ARL15: variants seen among roughly 807,000 people sequenced by gnomAD.
ARL15 encodes the protein ADP-ribosylation factor-like protein 15.
In ARL15, 19 loss-of-function variants were observed where a neutral mutation model predicts 25.2. The observed-to-expected ratio is 0.75, with a 90% CI of 0.53 to 1.10. The LOEUF is 1.10. Ranked by LOEUF, ARL15 falls within the 50% of genes least tolerant of loss-of-function variation. The pLI is 0.00. For synonymous variants in ARL15, 94 were observed against 86.8 expected (o/e 1.08, Z -0.46); for missense variants, 220 against 246.0 (o/e 0.89, Z 0.71).
chr5:54,173,521 C>T (rs2112406808), intron 1 of ARL15, among the ~76,000 whole-genome samples: 1 of 152,220 alleles, frequency 6.6e-6, no homozygotes, highest in East Asian at 1.9e-4. Flanking sequence ...GTAAATCAAA[C>T]TTGATTATTT....
chr5:54,059,943 T>TG (rs1374054635), intron 4 of ARL15, among the ~76,000 whole-genome samples: 11 of 152,010 alleles, frequency 7.2e-5, no homozygotes. Flanking sequence ...ACTGGACCCT[T>TG]GGTGATAATG....
intron 4 of ARL15, among the ~76,000 whole-genome samples, chr5:54,094,492 C>A (rs1382408222): frequency 6.6e-6 from 1 of 151,108 alleles, no homozygotes; most frequent in Non-Finnish European, 1.5e-5. Context: ...AAAAAAGGCA[C>A]TGGGGTATAT....
intron 4 of ARL15, among the ~76,000 whole-genome samples, chr5:53,949,127 C>T (rs1246930295): frequency 3.3e-5 from 5 of 152,108 alleles, no homozygotes; most frequent in Non-Finnish European, 7.4e-5. Context: ...TGATAAACAT[C>T]AGTTAGATAA....
intron 4 of ARL15, among the ~76,000 whole-genome samples, chr5:53,910,971 G>A (rs1001614896): frequency 6.6e-6 from 1 of 152,022 alleles, no homozygotes; most frequent in African/African-American, 2.4e-5. Flanking sequence ...GTAGACAGAA[G>A]CAGTGGACTA....
At chr5:54,139,131 T>A (rs1753694917) in intron 3 of ARL15, among the ~76,000 whole-genome samples, 1 of 152,136 alleles carries the variant, frequency 6.6e-6, no homozygotes, top group South Asian at 2.1e-4. Flanking sequence ...TAAAGGTATA[T>A]CTACCATTCG....
At chr5:54,286,865 G>C (rs551363106) in intron 1 of ARL15, among the ~76,000 whole-genome samples, 1 of 144,288 alleles carries the variant, frequency 6.9e-6, no homozygotes, top group South Asian at 2.2e-4. Context: ...CATTTGCAGG[G>C]CTTTTTTTTT....
At chr5:54,145,957 T>G (rs575960724) in intron 3 of ARL15, among the ~76,000 whole-genome samples, 94 of 152,290 alleles carry the variant, frequency 6.2e-4, no homozygotes, top group African/African-American at 2.2e-3. Flanking sequence ...TTTTGTCTCA[T>G]CTGTCCCTTT....
At chr5:54,077,125 T>C (rs543252918) in intron 4 of ARL15, among the ~76,000 whole-genome samples, 42 of 152,164 alleles carry the variant, frequency 2.8e-4, no homozygotes, top group Admixed American at 2.0e-4. Flanking sequence ...TGTTAACATA[T>C]TGTCATTCAT....
intron 4 of ARL15, among the ~76,000 whole-genome samples, chr5:54,098,095 T>TA: frequency 6.6e-6 from 1 of 152,174 alleles, no homozygotes; most frequent in East Asian, 1.9e-4. Flanking sequence ...CCTGTAGCAT[T>TA]AAAAAAGAAT....
chr5:54,180,647 C>T (rs1755030899), intron 1 of ARL15, among the ~76,000 whole-genome samples: 1 of 152,236 alleles, frequency 6.6e-6, no homozygotes, highest in African/African-American at 2.4e-5. Flanking sequence ...AGGCTTTGGA[C>T]TGGAATTGTC....
rs559656282 is a variant in ARL15 at position 54,090,245 on chromosome 5, C to A, written c.462+22957G>T. Among the ~76,000 whole-genome samples the A allele has an allele frequency of 2.0e-4, 30 of 151,986 alleles. 1 individual carries two copies. The South Asian group carries it at 5.4e-3, about 27-fold the overall frequency. On this transcript the variant is annotated intron_variant, in intron 4 of 4. Coordinates refer to ENST00000504924, the MANE Select transcript of ARL15 (RefSeq NM_019087.3). ...ATGGAATATTACACAGCAATAAAGACGAATAAACCATAGCCTCAGAGATGA... is the reference window on the plus strand; with the variant it reads ...ATGGAATATTACACAGCAATAAAGAAGAATAAACCATAGCCTCAGAGATGA...
At chr5:53,893,278 G>A (rs984871040) in intron 4 of ARL15, among the ~76,000 whole-genome samples, 1 of 152,006 alleles carries the variant, frequency 6.6e-6, no homozygotes, top group Non-Finnish European at 1.5e-5. Context: ...AGAAACCTGC[G>A]AGTACAACAA....
At chr5:54,087,868 G>C (rs113392404) in intron 4 of ARL15, among the ~76,000 whole-genome samples, 12 of 152,056 alleles carry the variant, frequency 7.9e-5, no homozygotes, top group African/African-American at 1.7e-4. Context: ...TAGAGATGAG[G>C]CTTCACCATG....
chr5:54,029,333 TACCACCACC>T (rs34152775), intron 4 of ARL15, among the ~76,000 whole-genome samples: 18 of 94,686 alleles, frequency 1.9e-4, no homozygotes, highest in South Asian at 1.3e-3. Flanking sequence ...CCACCACCAC[TACCACCACC>T]ACCACCACCA....
chr5:54,276,792 T>C (rs1757940468), intron 1 of ARL15, among the ~76,000 whole-genome samples: 2 of 152,144 alleles, frequency 1.3e-5, no homozygotes, highest in Admixed American at 6.5e-5. Flanking sequence ...GGAGATGTGA[T>C]AATGGAAGCA....
chr5:54,111,695 T>C (rs1288903745), intron 4 of ARL15, among the ~76,000 whole-genome samples: 1 of 152,134 alleles, frequency 6.6e-6, no homozygotes, highest in Non-Finnish European at 1.5e-5. Flanking sequence ...ATTATGTATA[T>C]ATTACATACA....
In ARL15 at chr5:53,968,708, A is replaced by C. The variant is rs377397077; in HGVS notation, c.463-81995T>G. ...GTATTTTTAGTAGAGACGGGGTTTG[A>C]CCATGTCGGCCAGGCTGGTCTCGAA... On this transcript the variant is annotated intron_variant, in intron 4 of 4. Coordinates refer to ENST00000504924, the MANE Select transcript of ARL15 (RefSeq NM_019087.3). Among the ~76,000 whole-genome samples, 9 of 151,786 alleles carry C rather than the reference A, an allele frequency of 5.9e-5. No homozygotes were observed. The East Asian group carries it at 1.4e-3, about 23-fold the overall frequency.
intron 4 of ARL15, among the ~76,000 whole-genome samples, chr5:54,082,456 C>T (rs949036249): frequency 6.6e-6 from 1 of 152,018 alleles, no homozygotes; most frequent in Admixed American, 6.6e-5. Context: ...CATATACATA[C>T]GTGTGTGTAT....
At chr5:54,193,896 T>C (rs987458845) in intron 1 of ARL15, among the ~76,000 whole-genome samples, 1 of 152,102 alleles carries the variant, frequency 6.6e-6, no homozygotes, top group African/African-American at 2.4e-5. Context: ...AAAAGCTTGG[T>C]TGAATTTTTT....
Sources: allele counts gnomAD v4.1 joint callset (sites outside exome capture counted in the v4.1 genomes callset), GRCh38; gene constraint gnomAD v4.1.1; transcripts MANE v1.5; gene names NCBI Gene and HGNC (gene_info 2026-07-23, HGNC 2026-07-21).